CC2D2A: variants seen among roughly 807,000 people sequenced by gnomAD.
CC2D2A encodes the protein coiled-coil and C2 domain containing 2A, also known as coiled-coil and C2 domain-containing protein 2A.
CC2D2A carries 155 observed loss-of-function variants against 212.9 expected under a neutral mutation model. The ratio of observed to expected loss-of-function variants is 0.73; its 90% CI spans 0.64 to 0.83. The LOEUF (loss-of-function observed/expected upper bound fraction) is 0.83, where lower values mean the gene tolerates loss of function less well. CC2D2A is among the 40% of genes least tolerant of loss of function. CC2D2A has a pLI of 0.00. For missense variants in CC2D2A, 1,856 were observed against 1,956.2 expected, an observed-to-expected ratio of 0.95 and a Z score of 0.97; for synonymous variants, 667 against 686.5, an observed-to-expected ratio of 0.97 and a Z score of 0.44.
At chr4:15,533,418 A>T in intron 14 of CC2D2A, 85 bp downstream of exon 14, 1 of 1,045,160 alleles carries the variant, frequency 9.6e-7, no homozygotes, top group Non-Finnish European at 1.3e-6. Flanking sequence ...TTTAAAAGTA[A>T]TTACAAACAA....
At chr4:15,542,837 A>C (rs990530806) in intron 17 of CC2D2A, among the ~76,000 whole-genome samples, 2 of 152,128 alleles carry the variant, frequency 1.3e-5, no homozygotes, top group African/African-American at 4.8e-5. Flanking sequence ...TGGGTTCAAT[A>C]CTGTGTATTG....
intron 13 of CC2D2A, among the ~76,000 whole-genome samples, chr4:15,532,668 G>A (rs564227957): frequency 2.0e-5 from 3 of 152,294 alleles, no homozygotes; most frequent in African/African-American, 7.2e-5. Context: ...TTAAAGTAAG[G>A]TATTAAATAA....
At chr4:15,597,320 T>C (rs1479299407) in intron 34 of CC2D2A, 87 bp from the exon 35 acceptor site, 2 of 963,190 alleles carry the variant, frequency 2.1e-6, no homozygotes, top group East Asian at 2.6e-5. Flanking sequence ...ATGTCTGAGA[T>C]TTCATTGATT....
Position 15,478,725 on chromosome 4 carries a change from G to A in CC2D2A, c.42G>A (p.Glu14=), listed in dbSNP as rs1455738671. 8 of 1,552,594 alleles carry A rather than the reference G, an allele frequency of 5.2e-6. No homozygotes were observed. The South Asian group carries it at 7.1e-5, about 14-fold the overall frequency. ...REEKVKIITE[E]FIENDEDADM... ...CTCCCTTTTGCATTTTCACAAAGGA[G>A]TTCATTGAAAATGATGAGGATGCAG... is the stretch of plus-strand genomic sequence containing the variant. Residue 14 remains glutamate (E), a splice_region_variant and synonymous_variant, in exon 3 of 37, where the codon GAG becomes GAA. Transcript: ENST00000424120.
intron 11 of CC2D2A, among the ~76,000 whole-genome samples, chr4:15,520,768 G>A (rs1717156538): frequency 6.6e-6 from 1 of 152,108 alleles, no homozygotes; most frequent in African/African-American, 2.4e-5. Flanking sequence ...TTTACCAGGT[G>A]GAATGCCAAG....
intron 1 of CC2D2A, among the ~76,000 whole-genome samples, chr4:15,473,604 T>A (rs187713173): frequency 2.6e-5 from 4 of 152,294 alleles, no homozygotes; most frequent in Non-Finnish European, 5.9e-5. Flanking sequence ...GCAATGTGAT[T>A]ATGTCACTCA....
Position 15,569,293 on chromosome 4 carries a change from G to A in CC2D2A, c.3399G>A (p.Arg1133=). ...SWNEELELPF[R]APNGDYSTAS... is the part of the protein sequence containing the mutation. ...TCCCTGGTCATGTGCTGTCTTGCAGGGCTCCTAATGGAGATTATAGCACAG... is the reference window on the plus strand; with the variant it reads ...TCCCTGGTCATGTGCTGTCTTGCAGAGCTCCTAATGGAGATTATAGCACAG... Residue 1133 remains arginine, a splice_region_variant and synonymous_variant, in exon 27 of 37, where the codon AGG becomes AGA. Transcript: ENST00000424120. 5.1e-6 allele frequency: 8 copies of A among 1,561,318 alleles called. No homozygotes were observed. The highest frequency in any genetic ancestry group is 7.0e-6 in the Non-Finnish European group (8 of 1,146,994).
chr4:15,544,975 G>A (rs2109043591), intron 17 of CC2D2A, among the ~76,000 whole-genome samples: 1 of 152,194 alleles, frequency 6.6e-6, no homozygotes, highest in Non-Finnish European at 1.5e-5. Flanking sequence ...ATAAATTAAG[G>A]GAGTTTTGAC....
Position 15,555,096 on chromosome 4 carries a change from C to G in CC2D2A, c.2511C>G (p.Ile837Met). ...GTGCTTTGAAGAAAGCAGATGCCAT[C>G]TCATCTATTGGCACATCAGGACTGA... ...FRSALKKADAISSIGTSGLTD... is the reference protein window; with the variant it reads ...FRSALKKADAMSSIGTSGLTD... The change falls in exon 20 of 37, where the codon ATC becomes ATG. Residue 837 changes from isoleucine (I) to methionine (M), a missense_variant. Physicochemically the swap from Ile to Met is conservative, Grantham distance 10 (BLOSUM62 1). Coordinates refer to ENST00000424120, the MANE Select transcript of CC2D2A (RefSeq NM_001378615.1). 1 of 1,613,052 alleles carries G rather than the reference C, an allele frequency of 6.2e-7. No homozygotes were observed. Among genetic ancestry groups the G allele is most frequent in the Non-Finnish European group, 8.5e-7 (1 of 1,179,494 alleles).
Position 15,478,793 on chromosome 4 carries a change from C to T in CC2D2A, c.110C>T (p.Pro37Leu). 6.4e-7 allele frequency: 1 copy of T among 1,553,300 alleles called. No homozygotes were observed. Among genetic ancestry groups the T allele is most frequent in the Non-Finnish European group, 8.7e-7 (1 of 1,147,778 alleles). ...AAGAACTCAAAGGTTCGAAGACAGC[C>T]AAGAAAGAAACAGGTAAGAAGTGAC... Reference protein sequence around the residue: ...QNKNSKVRRQPRKKQPPTAVP... With the variant: ...QNKNSKVRRQLRKKQPPTAVP... Residue 37 changes from proline to leucine, a missense_variant, in exon 3 of 37, where the codon CCA (proline) becomes CTA (leucine). Pro to Leu is a moderately conservative substitution (Grantham distance 98, BLOSUM62 -3). Coordinates refer to ENST00000424120, the MANE Select transcript of CC2D2A (RefSeq NM_001378615.1).
chr4:15,490,225 T>C (rs1250431709), intron 4 of CC2D2A, among the ~76,000 whole-genome samples: 2 of 152,216 alleles, frequency 1.3e-5, no homozygotes, highest in East Asian at 1.9e-4. Flanking sequence ...TATATAAACA[T>C]GCAATATCAA....
At chr4:15,600,686 G>A (rs576865508) in intron 36 of CC2D2A, among the ~76,000 whole-genome samples, 8 of 152,108 alleles carry the variant, frequency 5.3e-5, no homozygotes, top group African/African-American at 1.9e-4. Context: ...CGGATCGCTT[G>A]AGCCCTGGAG....
In CC2D2A at chr4:15,538,031, G is replaced by C. The variant is rs1418947124; in HGVS notation, c.1897G>C (p.Glu633Gln). 6 of 1,608,294 alleles carry C rather than the reference G, an allele frequency of 3.7e-6. No individual in the cohort carries two copies. The highest frequency in any genetic ancestry group is 5.1e-6 in the Non-Finnish European group (6 of 1,177,682). Residue 633 changes from glutamate to glutamine, a missense_variant, in exon 16 of 37, where the codon GAG becomes CAG. Coordinates refer to ENST00000424120, the MANE Select transcript of CC2D2A (RefSeq NM_001378615.1). ...CACTGATCGGGCAGTGATAGAGCAG[G>C]AGGTGAGGGAGAGAGCAGCCCAGAG... ...EPTDRAVIEQEVRERAAQSRR... is the reference protein window; with the variant it reads ...EPTDRAVIEQQVRERAAQSRR...
chr4:15,583,182 T>C (rs954094693), intron 30 of CC2D2A, among the ~76,000 whole-genome samples: 2 of 152,138 alleles, frequency 1.3e-5, no homozygotes, highest in African/African-American at 4.8e-5. Context: ...AGAAGGAACA[T>C]ATTTCAACAC....
chr4:15,503,093 T>G (rs948321703), intron 6 of CC2D2A, among the ~76,000 whole-genome samples, 170 bp downstream of exon 6: 2 of 152,064 alleles, frequency 1.3e-5, no homozygotes, highest in African/African-American at 4.8e-5. Context: ...GTCCAAGAGT[T>G]CAACACCAGC....
chr4:15,587,388 G>C (rs1560195444), intron 31 of CC2D2A, among the ~76,000 whole-genome samples: 2 of 152,170 alleles, frequency 1.3e-5, no homozygotes, highest in Admixed American at 1.3e-4. Context: ...AGCTAGACTG[G>C]CTTTACTACT....
intron 30 of CC2D2A, among the ~76,000 whole-genome samples, chr4:15,580,548 G>A (rs1001059919): frequency 1.4e-5 from 2 of 144,576 alleles, no homozygotes; most frequent in Admixed American, 1.5e-4. Context: ...TGAGGCCTAA[G>A]AATAGCTTGA....
intron 1 of CC2D2A, among the ~76,000 whole-genome samples, chr4:15,471,643 C>T (rs1284612898): frequency 2.8e-5 from 4 of 144,392 alleles, no homozygotes; most frequent in South Asian, 2.2e-4. Context: ...AAAAAAAAAA[C>T]GTGTCTCAGA....
chr4:15,484,937 C>T (rs1306504166), intron 4 of CC2D2A, among the ~76,000 whole-genome samples: 1 of 152,162 alleles, frequency 6.6e-6, no homozygotes, highest in Non-Finnish European at 1.5e-5. Context: ...CCTCTTTCCT[C>T]TCAGCTGGTT....
Sources: gnomAD v4.1 joint callset for allele counts (sites outside exome capture counted in the v4.1 genomes callset) on GRCh38, gnomAD v4.1.1 for gene constraint, MANE v1.5 for transcripts, NCBI Gene and HGNC (gene_info 2026-07-23, HGNC 2026-07-21) for gene names.